Variants in CADM2 observed in about 807,000 individuals in gnomAD.
CADM2 encodes the protein immunoglobulin superfamily member 4D.
A neutral mutation model predicts 49.8 loss-of-function variants in CADM2; 12 were observed. That is an observed-to-expected ratio of 0.24 (90% CI 0.15 to 0.39). The LOEUF (loss-of-function observed/expected upper bound fraction) is 0.39. Among genes scored for constraint, CADM2 ranks in the 10% least tolerant of loss-of-function variants. CADM2 has a pLI of 1.00. For missense variants in CADM2, 378 were observed against 492.3 expected, an observed-to-expected ratio of 0.77 and a Z score of 2.20; for synonymous variants, 214 against 175.4, an observed-to-expected ratio of 1.22 and a Z score of -1.74.
chr3:85,212,397 A>G (rs59011620), intron 1 of CADM2, among the ~76,000 whole-genome samples: 11,219 of 151,902 alleles, frequency 0.074, 1,382 homozygotes, highest in African/African-American at 0.25. Flanking sequence ...GGTTTTCTCC[A>G]GTGGCATGTT....
At chr3:86,023,673 C>A (rs1033989141) in intron 8 of CADM2, among the ~76,000 whole-genome samples, 9 of 152,020 alleles carry the variant, frequency 5.9e-5, no homozygotes, top group Non-Finnish European at 1.2e-4. Context: ...CTTTTTTAAC[C>A]TTTGGGAGAA....
At chr3:85,127,019 A>C (rs1301671955) in intron 1 of CADM2, among the ~76,000 whole-genome samples, 4 of 152,186 alleles carry the variant, frequency 2.6e-5, no homozygotes, top group Non-Finnish European at 5.9e-5. Context: ...TATACCATAC[A>C]TAGGAGAGTC....
intron 1 of CADM2, among the ~76,000 whole-genome samples, chr3:85,617,586 A>G (rs2063833128): frequency 6.6e-6 from 1 of 152,152 alleles, no homozygotes; most frequent in Non-Finnish European, 1.5e-5. Context: ...TGATTAAATC[A>G]TTGGCTGTTG....
intron 1 of CADM2, among the ~76,000 whole-genome samples, chr3:85,222,373 G>A (rs2042062013): frequency 2.0e-5 from 3 of 152,056 alleles, no homozygotes; most frequent in African/African-American, 7.2e-5. Flanking sequence ...TTCTCTGATG[G>A]TGATTCTGGC....
intron 1 of CADM2, among the ~76,000 whole-genome samples, chr3:85,112,616 A>G (rs2038500671): frequency 6.6e-6 from 1 of 151,864 alleles, no homozygotes; most frequent in South Asian, 2.1e-4. Context: ...ATTCTTCAGT[A>G]CTATATATAA....
intron 2 of CADM2, among the ~76,000 whole-genome samples, chr3:85,773,760 G>A (rs958729994): frequency 3.3e-5 from 5 of 152,026 alleles, no homozygotes; most frequent in Admixed American, 1.3e-4. Flanking sequence ...GCTGGGGTTC[G>A]TGCCAATCTT....
intron 8 of CADM2, among the ~76,000 whole-genome samples, chr3:86,032,786 A>G (rs1734707676): frequency 1.3e-5 from 2 of 151,964 alleles, no homozygotes; most frequent in South Asian, 4.1e-4. Context: ...CTCCTCAAAT[A>G]TTTGGTAAAC....
intron 7 of CADM2, among the ~76,000 whole-genome samples, chr3:85,940,458 A>T (rs1721755913): frequency 6.6e-6 from 1 of 152,170 alleles, no homozygotes; most frequent in African/African-American, 2.4e-5. Context: ...ATCAGACGAA[A>T]TGACAAAATA....
chr3:85,067,873 G>A (rs1444419039), intron 1 of CADM2, among the ~76,000 whole-genome samples: 1 of 151,946 alleles, frequency 6.6e-6, no homozygotes, highest in Non-Finnish European at 1.5e-5. Flanking sequence ...ATATATTTGG[G>A]TCACCTTTGT....
At chr3:85,447,553 T>G (rs1296622328) in intron 1 of CADM2, among the ~76,000 whole-genome samples, 1 of 152,182 alleles carries the variant, frequency 6.6e-6, no homozygotes, top group Non-Finnish European at 1.5e-5. Context: ...CTTCACTTCA[T>G]TAATCGTGTT....
chr3:85,011,221 G>C (rs939758494), intron 1 of CADM2, among the ~76,000 whole-genome samples: 9 of 152,090 alleles, frequency 5.9e-5, no homozygotes, highest in Non-Finnish European at 1.3e-4. Flanking sequence ...TTATAGTATA[G>C]TTTTCAATCC....
At chr3:85,904,436 G>C (rs1293045287) in intron 5 of CADM2, among the ~76,000 whole-genome samples, 1 of 152,184 alleles carries the variant, frequency 6.6e-6, no homozygotes, top group Non-Finnish European at 1.5e-5. Context: ...AGGAAACATG[G>C]ATCTCCACCT....
intron 5 of CADM2, among the ~76,000 whole-genome samples, chr3:85,904,485 G>A (rs1559732863): frequency 6.6e-6 from 1 of 152,174 alleles, no homozygotes; most frequent in African/African-American, 2.4e-5. Flanking sequence ...CTGAGTTGGG[G>A]ATGAGGTTGA....
chr3:85,049,245 T>A (rs2035784233), intron 1 of CADM2, among the ~76,000 whole-genome samples: 1 of 152,240 alleles, frequency 6.6e-6, no homozygotes, highest in Middle Eastern at 3.4e-3. Context: ...GAAGTAGTAA[T>A]ACAAAAATAT....
intron 1 of CADM2, among the ~76,000 whole-genome samples, chr3:85,623,189 C>T (rs2064026590): frequency 6.6e-6 from 1 of 152,134 alleles, no homozygotes; most frequent in African/African-American, 2.4e-5. Flanking sequence ...ATTTTCAGTG[C>T]ACACGTTAGC....
At chr3:85,694,717 T>A (rs2066497419) in intron 1 of CADM2, among the ~76,000 whole-genome samples, 1 of 152,180 alleles carries the variant, frequency 6.6e-6, no homozygotes, top group Non-Finnish European at 1.5e-5. Flanking sequence ...CCCTGGGATT[T>A]TAAAGATTAG....
chr3:85,933,259 A>G (rs1477478288), intron 6 of CADM2, among the ~76,000 whole-genome samples: 1 of 152,072 alleles, frequency 6.6e-6, no homozygotes, highest in African/African-American at 2.4e-5. Context: ...AAAGAGGATA[A>G]CTAATAAATA....
intron 6 of CADM2, among the ~76,000 whole-genome samples, chr3:85,924,307 T>C (rs140826621): frequency 6.6e-6 from 1 of 152,046 alleles, no homozygotes; most frequent in Non-Finnish European, 1.5e-5. Context: ...TAAAAATGTA[T>C]GGACTGGCAC....
At chr3:85,927,450 A>T (rs901229532) in intron 6 of CADM2, among the ~76,000 whole-genome samples, 1 of 152,162 alleles carries the variant, frequency 6.6e-6, no homozygotes, top group Non-Finnish European at 1.5e-5. Context: ...ATAATGTTAC[A>T]ATGTTACCAT....
Sources: gnomAD v4.1 joint callset for allele counts (sites outside exome capture counted in the v4.1 genomes callset) on GRCh38, gnomAD v4.1.1 for gene constraint, MANE v1.5 for transcripts, NCBI Gene and HGNC (gene_info 2026-07-23, HGNC 2026-07-21) for gene names.